Variants in VPS13D observed in about 807,000 individuals in gnomAD.
VPS13D encodes the protein vacuolar protein sorting 13 homolog D.
A neutral mutation model predicts 461.9 loss-of-function variants in VPS13D; 187 were observed. The observed-to-expected ratio is 0.40, with a 90% CI of 0.36 to 0.46. The LOEUF is 0.46. VPS13D is among the 20% of genes least tolerant of loss of function. The pLI, the probability that VPS13D is intolerant of heterozygous loss-of-function variation, is 0.60. For missense variants in VPS13D, 4,711 were observed against 5,364.9 expected (o/e 0.88, Z 3.81); for synonymous variants, 1,951 against 1,986.3 (o/e 0.98, Z 0.47).
At position 12,301,827 on chromosome 1, in the gene VPS13D, A is replaced by C. The variant is rs1360537261; in HGVS notation, c.6216+2443A>C. Among the ~76,000 whole-genome samples, 4 of 152,336 alleles carry C rather than the reference A, an allele frequency of 2.6e-5. No individual in the cohort carries two copies. In the East Asian group the frequency reaches 7.7e-4, roughly 29 times the overall value. On this transcript the variant is annotated intron_variant, in intron 25 of 69. Coordinates refer to ENST00000620676, the MANE Select transcript of VPS13D (RefSeq NM_015378.4). ...GCCACCAGTTATCTCGTTAACATAC[A>C]CAAGGACATTTTATCACTCTGGAGA...
chr1:12,367,935 T>C (rs1644062081), intron 52 of VPS13D, among the ~76,000 whole-genome samples: 1 of 152,072 alleles, frequency 6.6e-6, no homozygotes, highest in Non-Finnish European at 1.5e-5. Flanking sequence ...AAATTAATTA[T>C]TTTATTTTTA....
chr1:12,416,598 C>T (rs1311866218), intron 64 of VPS13D, 62 bp from the exon 65 acceptor site: 1 of 1,531,810 alleles, frequency 6.5e-7, no homozygotes, highest in East Asian at 2.3e-5. Context: ...GCTTGGGACA[C>T]TGGTATCTGC....
chr1:12,422,027 C>G (rs1280697108), intron 65 of VPS13D, among the ~76,000 whole-genome samples: 1 of 152,126 alleles, frequency 6.6e-6, no homozygotes, highest in Non-Finnish European at 1.5e-5. Context: ...TGGGGTTTCA[C>G]CATGTTGGCC....
intron 50 of VPS13D, 33 bp from the exon 51 acceptor site, chr1:12,362,687 T>G (rs1643968906): frequency 6.2e-7 from 1 of 1,606,106 alleles, no homozygotes; most frequent in African/African-American, 1.3e-5. Context: ...CTCTTCATGG[T>G]TAACTCATAA....
intron 46 of VPS13D, among the ~76,000 whole-genome samples, chr1:12,352,585 G>A (rs527928224): frequency 1.3e-5 from 2 of 152,312 alleles, no homozygotes; most frequent in East Asian, 3.9e-4. Flanking sequence ...TGACAAAGAT[G>A]TGGAGCCACT....
chr1:12,457,053 A>G (rs1645339634), intron 66 of VPS13D, among the ~76,000 whole-genome samples: 1 of 152,242 alleles, frequency 6.6e-6, no homozygotes, highest in Non-Finnish European at 1.5e-5. Context: ...TGGTGATGGC[A>G]TGAATGCATT....
At chr1:12,373,097 T>G (rs1366616801) in intron 54 of VPS13D, among the ~76,000 whole-genome samples, 4 of 132,914 alleles carry the variant, frequency 3.0e-5, no homozygotes, top group Non-Finnish European at 6.4e-5. Context: ...CTGGCTTGGT[T>G]TTTTTTTTTT....
chr1:12,327,007 C>CCT (rs200496835), intron 35 of VPS13D, among the ~76,000 whole-genome samples: 3,296 of 152,288 alleles, frequency 0.022, 60 homozygotes, highest in African/African-American at 0.038. Context: ...ATAATAGCAA[C>CCT]TGATGTGTAT....
At chr1:12,508,691 C>CAAAA (rs35358579) in intron 69 of VPS13D, among the ~76,000 whole-genome samples, 2 of 121,258 alleles carry the variant, frequency 1.6e-5, no homozygotes, top group Admixed American at 8.2e-5. Flanking sequence ...GACTCCGTCT[C>CAAAA]AAAAAAAAAA....
In VPS13D at chr1:12,256,511, C is replaced by T; in HGVS notation, c.840+8C>T. On this transcript the variant is annotated splice_region_variant and intron_variant, in intron 8 of 69. Transcript: ENST00000620676. Reference sequence around the variant, plus strand: ...CCCTTGAAACTCTCTCAGGTATGCCCTTTCTTCTCAGTGGCATCTACTTAC... The same window carrying T: ...CCCTTGAAACTCTCTCAGGTATGCCTTTTCTTCTCAGTGGCATCTACTTAC... 1 of 1,613,374 alleles carries T rather than the reference C, an allele frequency of 6.2e-7. No homozygotes were observed. Among genetic ancestry groups the T allele is most frequent in the African/African-American group, 1.3e-5 (1 of 75,000 alleles).
chr1:12,388,706 C>T (rs1644382420), intron 60 of VPS13D, among the ~76,000 whole-genome samples: 1 of 151,952 alleles, frequency 6.6e-6, no homozygotes, highest in Non-Finnish European at 1.5e-5. Context: ...CTAATGGTAT[C>T]AATTAACTAA....
Position 12,341,847 on chromosome 1 carries a change from C to T in VPS13D, c.8694C>T (p.Cys2898=). The T allele has an allele frequency of 1.9e-6, 3 of 1,614,052 alleles. No individual in the cohort carries two copies. The highest frequency in any genetic ancestry group is 1.1e-5 in the South Asian group (1 of 91,072). ...TTGCTCTGAGGAACCACACGGGGTGCACTTTGTGGTTTGCCACCCTGACCA... is the reference window on the plus strand; with the variant it reads ...TTGCTCTGAGGAACCACACGGGGTGTACTTTGTGGTTTGCCACCCTGACCA... ...VPFALRNHTG[C]TLWFATLTTT... The change falls in exon 41 of 70, where the codon TGC becomes TGT. Residue 2898 remains cysteine (C), a synonymous_variant. Transcript: ENST00000620676.
chr1:12,270,039 C>T (rs1484427496), intron 16 of VPS13D, among the ~76,000 whole-genome samples: 1 of 152,142 alleles, frequency 6.6e-6, no homozygotes, highest in Admixed American at 6.5e-5. Context: ...CCTGTAGCCC[C>T]AGCTACTCGG....
rs183460656 is a variant in VPS13D, at chr1:12,400,206, C to T, written c.11660C>T (p.Thr3887Met). The change falls in exon 61 of 70, where the codon ACG becomes ATG. Residue 3887 changes from threonine to methionine, a missense_variant. Physicochemically the swap from Thr to Met is moderately conservative, Grantham distance 81. This residue lies in a region of VPS13D where 4,411 missense variants were observed against 4,937.8 expected (regional missense o/e 0.89). Coordinates refer to ENST00000620676, the MANE Select transcript of VPS13D (RefSeq NM_015378.4). The stretch of plus-strand genomic sequence containing the variant: ...GTGGACAATCAGCTCATTGGTACCA[C>T]GCAGCCCTTCATGCTCTATGTGACT... ...VQVDNQLIGT[T>M]QPFMLYVTPL... 9.3e-5 allele frequency: 150 copies of T among 1,614,082 alleles called. No individual in the cohort carries two copies. The highest frequency in any genetic ancestry group is 2.9e-4 in the East Asian group (13 of 44,886).
At chr1:12,493,286 T>C (rs1045853122) in intron 67 of VPS13D, among the ~76,000 whole-genome samples, 2 of 150,604 alleles carry the variant, frequency 1.3e-5, no homozygotes, top group Non-Finnish European at 3.0e-5. Context: ...CAGGAGACCA[T>C]CGTGGCTAAC....
intron 10 of VPS13D, among the ~76,000 whole-genome samples, chr1:12,258,430 A>G (rs1640989043): frequency 6.6e-6 from 1 of 152,144 alleles, no homozygotes; most frequent in Non-Finnish European, 1.5e-5. Flanking sequence ...TCCCAGTCCT[A>G]ATTCTCTTAC....
intron 67 of VPS13D, among the ~76,000 whole-genome samples, chr1:12,481,410 C>T (rs1395458713): frequency 6.6e-6 from 1 of 152,216 alleles, no homozygotes; most frequent in Non-Finnish European, 1.5e-5. Flanking sequence ...CAAGTTCTAA[C>T]ACATTTTATA....
intron 35 of VPS13D, among the ~76,000 whole-genome samples, chr1:12,326,881 G>A (rs752724454): frequency 6.6e-6 from 1 of 152,070 alleles, no homozygotes; most frequent in Non-Finnish European, 1.5e-5. Context: ...CTGACCTCAT[G>A]ATCTGTCCGC....
At chr1:12,441,995 T>A (rs1645137580) in intron 65 of VPS13D, among the ~76,000 whole-genome samples, 1 of 152,210 alleles carries the variant, frequency 6.6e-6, no homozygotes, top group African/African-American at 2.4e-5. Context: ...TTAGTTCTAC[T>A]TATATTATGC....
Sources: allele counts gnomAD v4.1 joint callset (sites outside exome capture counted in the v4.1 genomes callset), GRCh38; gene constraint gnomAD v4.1.1; regional missense constraint gnomAD v4.1.1; transcripts MANE v1.5; gene names NCBI Gene and HGNC (gene_info 2026-07-23, HGNC 2026-07-21).